SUSD4: variants seen among roughly 807,000 people sequenced by gnomAD.
SUSD4 encodes sushi domain-containing protein 4.
Under a neutral mutation model 50.5 loss-of-function variants are expected in SUSD4, and 41 were observed. The ratio of observed to expected loss-of-function variants is 0.81; its 90% CI spans 0.63 to 1.05. The LOEUF (loss-of-function observed/expected upper bound fraction) is 1.05, where lower values mean the gene tolerates loss of function less well. SUSD4 is among the 50% of genes least tolerant of loss of function. The pLI is 0.00. For synonymous variants in SUSD4, 257 were observed against 257.3 expected (o/e 1.00, Z 0.01); for missense variants, 580 against 634.7 (o/e 0.91, Z 0.93).
chr1:223,292,492 A>C lies in SUSD4; in HGVS notation c.308T>G (p.Phe103Cys), dbSNP rs1250114737. The change falls in exon 3 of 9, where the codon TTT becomes TGT. Residue 103 changes from phenylalanine (F) to cysteine (C), a missense_variant. Physicochemically the swap from Phe to Cys is radical, Grantham distance 205 (BLOSUM62 -2). Transcript: ENST00000366878. ...GATKRLCLKHFNGTLGWIPSD... is the reference protein window; with the variant it reads ...GATKRLCLKHCNGTLGWIPSD... ...TGGGATCCAGCCTAGGGTTCCATTA[A>C]AATGCTTCAAACACAGTCTCTTTGT... The C allele has an allele frequency of 6.8e-6, 11 of 1,614,082 alleles. 1 individual carries two copies.
chr1:223,223,555 C>T lies in SUSD4; in HGVS notation c.1138G>A (p.Asp380Asn), dbSNP rs371298166. 6.2e-7 allele frequency: 1 copy of T among 1,613,506 alleles called. No individual in the cohort carries two copies. The change falls in exon 8 of 9, where the codon GAC (aspartate) becomes AAC (asparagine). Residue 380 changes from aspartate to asparagine, a missense_variant. By Grantham distance (23) the Asp-to-Asn change is conservative (BLOSUM62 1). Coordinates refer to ENST00000366878, the MANE Select transcript of SUSD4 (RefSeq NM_017982.4). Reference sequence around the variant, plus strand: ...CTCAAGCCGCCACTCACAGCTTCGTCATAGGACGGGAGCATGACGGGCACG... The same window carrying T: ...CTCAAGCCGCCACTCACAGCTTCGTTATAGGACGGGAGCATGACGGGCACG... Reference protein sequence around the residue: ...DGVPVMLPSYDEAVSGGLSAL... With the variant: ...DGVPVMLPSYNEAVSGGLSAL...
chr1:223,350,736 T>G (rs1053031845), intron 2 of SUSD4, among the ~76,000 whole-genome samples: 1 of 152,226 alleles, frequency 6.6e-6, no homozygotes, highest in African/African-American at 2.4e-5. Context: ...TACGTATGTA[T>G]GTATTCTGTG....
At chr1:223,262,272 G>T (rs1048520403) in intron 5 of SUSD4, among the ~76,000 whole-genome samples, 2 of 152,158 alleles carry the variant, frequency 1.3e-5, no homozygotes, top group Admixed American at 6.5e-5. Flanking sequence ...TACTGCAGGG[G>T]TCAGAGAGTT....
chr1:223,242,620 G>A (rs187588141), intron 5 of SUSD4, among the ~76,000 whole-genome samples: 6 of 152,320 alleles, frequency 3.9e-5, no homozygotes, highest in South Asian at 2.1e-4. Context: ...ATGAGTCAGG[G>A]TTTGAAGCCC....
intron 5 of SUSD4, among the ~76,000 whole-genome samples, chr1:223,236,542 C>A (rs1204315477): frequency 6.6e-6 from 1 of 150,536 alleles, no homozygotes; most frequent in Non-Finnish European, 1.5e-5. Context: ...AGGTCTGTGT[C>A]TAGCTTTTTT....
chr1:223,363,521 C>T (rs1669128520), intron 1 of SUSD4, 61 bp from the exon 2 acceptor site: 2 of 1,369,800 alleles, frequency 1.5e-6, no homozygotes, highest in South Asian at 1.8e-5. Context: ...GGCCACGCTC[C>T]CCCTCCTCCG....
chr1:223,315,561 CAG>C (rs1352453194), intron 2 of SUSD4, among the ~76,000 whole-genome samples: 4 of 152,192 alleles, frequency 2.6e-5, no homozygotes, highest in South Asian at 2.1e-4. Flanking sequence ...TCTGCATTTT[CAG>C]AGAGATTGAT....
At chr1:223,356,054 G>C (rs1380672855) in intron 2 of SUSD4, among the ~76,000 whole-genome samples, 2 of 152,094 alleles carry the variant, frequency 1.3e-5, no homozygotes, top group African/African-American at 4.8e-5. Context: ...ATAATGTCAA[G>C]AATTATTTTG....
chr1:223,330,244 C>T (rs1276645987), intron 2 of SUSD4, among the ~76,000 whole-genome samples: 1 of 152,208 alleles, frequency 6.6e-6, no homozygotes, highest in Non-Finnish European at 1.5e-5. Flanking sequence ...AGCACACTGG[C>T]ATACTGTAGC....
chr1:223,273,569 T>C (rs988603746), intron 3 of SUSD4, among the ~76,000 whole-genome samples: 2 of 152,236 alleles, frequency 1.3e-5, no homozygotes, highest in African/African-American at 4.8e-5. Flanking sequence ...CATGCTAACA[T>C]GGATTTTAGT....
At chr1:223,242,703 C>T (rs750300242) in intron 5 of SUSD4, among the ~76,000 whole-genome samples, 4 of 152,164 alleles carry the variant, frequency 2.6e-5, no homozygotes, top group Non-Finnish European at 4.4e-5. Context: ...CCCATCTGTC[C>T]GATGAAGAAA....
chr1:223,225,724 C>T (rs896902174), intron 7 of SUSD4, among the ~76,000 whole-genome samples: 7 of 152,250 alleles, frequency 4.6e-5, no homozygotes, highest in South Asian at 4.2e-4. Flanking sequence ...GGTGAGCAGA[C>T]GCCTCTCTTC....
chr1:223,363,309 C>A lies in SUSD4; in HGVS notation c.117G>T (p.Ala39=). 1 of 1,610,052 alleles carries A rather than the reference C, an allele frequency of 6.2e-7. No individual in the cohort carries two copies. The highest frequency in any genetic ancestry group is 8.5e-7 in the Non-Finnish European group (1 of 1,178,422). Reference sequence around the variant, plus strand: ...TGAGCTGTGCAGGGCCGAAGCACAGCGCCAGCTGAAACCACAGGATCACGG... The same window carrying A: ...TGAGCTGTGCAGGGCCGAAGCACAGAGCCAGCTGAAACCACAGGATCACGG... ...LLAVILWFQL[A]LCFGPAQLTG... is the part of the protein sequence containing the mutation. Residue 39 remains alanine, a synonymous_variant, in exon 2 of 9, where the codon GCG becomes GCT. Transcript: ENST00000366878.
chr1:223,228,277 T>C (rs1172291415), intron 6 of SUSD4, among the ~76,000 whole-genome samples: 1 of 152,196 alleles, frequency 6.6e-6, no homozygotes, highest in South Asian at 2.1e-4. Flanking sequence ...AAGAGACTTA[T>C]CCTTTGGGCA....
chr1:223,315,469 G>A (rs1406625130), intron 2 of SUSD4, among the ~76,000 whole-genome samples: 6 of 152,116 alleles, frequency 3.9e-5, no homozygotes, highest in South Asian at 2.1e-4. Flanking sequence ...AACTGGACCC[G>A]CGGACTCCGC....
chr1:223,237,814 G>A (rs1660323846), intron 5 of SUSD4, among the ~76,000 whole-genome samples: 2 of 151,838 alleles, frequency 1.3e-5, no homozygotes, highest in South Asian at 4.1e-4. Context: ...TTCTTTTCTT[G>A]CAATGTCTTT....
chr1:223,336,412 T>G (rs1667459222), intron 2 of SUSD4, among the ~76,000 whole-genome samples: 1 of 152,168 alleles, frequency 6.6e-6, no homozygotes, highest in South Asian at 2.1e-4. Context: ...TCAAAAAATA[T>G]CAGTATAAGC....
At chr1:223,341,271 T>G (rs1667740427) in intron 2 of SUSD4, among the ~76,000 whole-genome samples, 1 of 152,150 alleles carries the variant, frequency 6.6e-6, no homozygotes, top group South Asian at 2.1e-4. Context: ...TACTTGGCAG[T>G]CCACAGGCAC....
chr1:223,289,595 T>G (rs1352969660), intron 3 of SUSD4, among the ~76,000 whole-genome samples: 2 of 152,206 alleles, frequency 1.3e-5, no homozygotes, highest in African/African-American at 4.8e-5. Flanking sequence ...CAGACAGGAC[T>G]GACCCATGGT....
Sources: allele counts gnomAD v4.1 joint callset (sites outside exome capture counted in the v4.1 genomes callset), GRCh38; gene constraint gnomAD v4.1.1; transcripts MANE v1.5; gene names NCBI Gene and HGNC (gene_info 2026-07-23, HGNC 2026-07-21).